The following BCKDHB variants were observed in gnomAD, a reference collection of about 807,000 sequenced individuals.
BCKDHB encodes 2-oxoisovalerate dehydrogenase subunit beta, mitochondrial.
A neutral mutation model predicts 48.5 loss-of-function variants in BCKDHB; 41 were observed. The observed-to-expected ratio is 0.85, with a 90% confidence interval of 0.66 to 1.10. BCKDHB has a LOEUF of 1.10. Ranked by LOEUF, BCKDHB falls within the 50% of genes least tolerant of loss-of-function variation. The pLI is 0.00. For synonymous variants in BCKDHB, 201 were observed against 174.8 expected, an observed-to-expected ratio of 1.15 and a Z score of -1.18; for missense variants, 496 against 494.2, an observed-to-expected ratio of 1.00 and a Z score of -0.03.
chr6:80,148,913 G>A (rs902407996), intron 3 of BCKDHB, among the ~76,000 whole-genome samples: 2 of 152,116 alleles, frequency 1.3e-5, no homozygotes, highest in African/African-American at 4.8e-5. Context: ...GCATGGACAA[G>A]GACTTCATGT....
intron 8 of BCKDHB, among the ~76,000 whole-genome samples, chr6:80,257,708 G>A (rs1289942490): frequency 6.6e-6 from 1 of 152,004 alleles, no homozygotes; most frequent in Non-Finnish European, 1.5e-5. Context: ...GAAGACAATA[G>A]CGTTACTCTG....
chr6:80,433,174 G>A, the BCKDHB span, among the ~76,000 whole-genome samples: 1 of 152,304 alleles, frequency 6.6e-6, no homozygotes, highest in African/African-American at 2.4e-5. Context: ...CTGACCCTTA[G>A]CAGAGGTTGA....
At chr6:80,152,952 C>A (rs988621880) in intron 3 of BCKDHB, among the ~76,000 whole-genome samples, 2 of 152,156 alleles carry the variant, frequency 1.3e-5, no homozygotes, top group African/African-American at 4.8e-5. Context: ...GAACTGTGAT[C>A]TCTTAGGATC....
At chr6:80,454,714 G>C in the BCKDHB span, among the ~76,000 whole-genome samples, 732 of 152,288 alleles carry the variant, frequency 4.8e-3, 7 homozygotes, top group African/African-American at 0.016. Context: ...CAGAAGATCT[G>C]AAAAATATGT....
the BCKDHB span, among the ~76,000 whole-genome samples, chr6:80,390,379 G>A: frequency 2.0e-5 from 3 of 152,116 alleles, no homozygotes; most frequent in Non-Finnish European, 4.4e-5. Context: ...AATACAGAAT[G>A]GGTAGTAGAA....
At chr6:80,142,116 A>G (rs1387274386) in intron 3 of BCKDHB, among the ~76,000 whole-genome samples, 2 of 152,076 alleles carry the variant, frequency 1.3e-5, no homozygotes, top group African/African-American at 2.4e-5. Context: ...TTTGATTCAG[A>G]TATAATTTTT....
At position 80,168,797 on chromosome 6, in the gene BCKDHB, G is replaced by GGGAGGGAGGGAGGGAA. The variant is rs1582274911; in HGVS notation, c.478-69_478-68insGAGGGAAGGAGGGAGG. On this transcript the variant is annotated intron_variant, in intron 4 of 9. Transcript: ENST00000320393. ...CTTGGGAAGGGAAGGAAGGAAGGGA[G>GGGAGGGAGGGAGGGAA]GGAGGGAGGAAGAACGGAAGGAGAT... 277 of 1,536,368 alleles carry GGGAGGGAGGGAGGGAA rather than the reference G, an allele frequency of 1.8e-4. 2 individuals carry two copies. The East Asian group carries it at 5.3e-3, about 30-fold the overall frequency.
chr6:80,394,180 T>C, the BCKDHB span, among the ~76,000 whole-genome samples: 1 of 152,170 alleles, frequency 6.6e-6, no homozygotes, highest in South Asian at 2.1e-4. Context: ...TTGGAAAGTG[T>C]CTGTTCATTA....
chr6:80,414,387 T>G, the BCKDHB span, among the ~76,000 whole-genome samples: 1 of 152,302 alleles, frequency 6.6e-6, no homozygotes, highest in East Asian at 1.9e-4. Flanking sequence ...TCCAGGATGG[T>G]ATTTTCTAGG....
chr6:80,164,101 T>C (rs889762264), intron 3 of BCKDHB, among the ~76,000 whole-genome samples: 2 of 152,142 alleles, frequency 1.3e-5, no homozygotes, highest in African/African-American at 4.8e-5. Context: ...GGCATGACCG[T>C]ACTCAAGAAC....
At chr6:80,407,395 A>G in the BCKDHB span, among the ~76,000 whole-genome samples, 6 of 152,190 alleles carry the variant, frequency 3.9e-5, no homozygotes, top group Non-Finnish European at 7.3e-5. Context: ...TCTGTGAAGA[A>G]AGTCATTGGT....
the BCKDHB span, among the ~76,000 whole-genome samples, chr6:80,366,373 A>G: frequency 6.6e-6 from 1 of 152,176 alleles, no homozygotes; most frequent in Non-Finnish European, 1.5e-5. Context: ...GAAAGAAAAA[A>G]CACACCAAAT....
intron 9 of BCKDHB, among the ~76,000 whole-genome samples, chr6:80,337,477 T>C (rs1422843687): frequency 6.6e-6 from 1 of 152,088 alleles, no homozygotes; most frequent in East Asian, 1.9e-4. Flanking sequence ...TGTTCCAATT[T>C]AGGTTTAAAA....
chr6:80,273,359 A>G, intron 9 of BCKDHB, 138 bp downstream of exon 9: 2 of 701,320 alleles, frequency 2.9e-6, no homozygotes, highest in Non-Finnish European at 4.8e-6. Context: ...ATACTGTGAT[A>G]AGTAAATTTT....
intron 8 of BCKDHB, among the ~76,000 whole-genome samples, chr6:80,265,490 CTA>C (rs1250022729): frequency 6.6e-6 from 1 of 151,954 alleles, no homozygotes; most frequent in African/African-American, 2.4e-5. Context: ...TATAAGGTTC[CTA>C]AACCAGTCAG....
At chr6:80,246,116 A>AG (rs1363079692) in intron 8 of BCKDHB, among the ~76,000 whole-genome samples, 1 of 152,168 alleles carries the variant, frequency 6.6e-6, no homozygotes, top group Non-Finnish European at 1.5e-5. Context: ...AGACATTTTA[A>AG]ACCAATATGT....
At chr6:80,315,882 G>A (rs1040943681) in intron 9 of BCKDHB, among the ~76,000 whole-genome samples, 1 of 152,290 alleles carries the variant, frequency 6.6e-6, no homozygotes, top group Middle Eastern at 3.4e-3. Context: ...ACAATATGTG[G>A]CATATAGTAA....
intron 8 of BCKDHB, among the ~76,000 whole-genome samples, chr6:80,252,513 C>T (rs1776876803): frequency 6.6e-6 from 1 of 152,086 alleles, no homozygotes; most frequent in African/African-American, 2.4e-5. Flanking sequence ...ATTTTAATAG[C>T]TTTTCCAAAC....
At chr6:80,439,104 T>G in the BCKDHB span, among the ~76,000 whole-genome samples, 1 of 152,218 alleles carries the variant, frequency 6.6e-6, no homozygotes, top group Non-Finnish European at 1.5e-5. Context: ...GCTGAATGTT[T>G]TAATTTCCAG....
Sources: gnomAD v4.1 joint callset for allele counts (sites outside exome capture counted in the v4.1 genomes callset) on GRCh38, gnomAD v4.1.1 for gene constraint, MANE v1.5 for transcripts, NCBI Gene and HGNC (gene_info 2026-07-23, HGNC 2026-07-21) for gene names.